OSBPL10: variants seen among roughly 807,000 people sequenced by gnomAD.
The protein encoded by OSBPL10 is oxysterol binding protein like 10, also known as oxysterol-binding protein-related protein 10.
Under a neutral mutation model 81.7 loss-of-function variants are expected in OSBPL10, and 49 were observed. The observed-to-expected ratio is 0.60, with a 90% CI of 0.48 to 0.76. The LOEUF is 0.76. OSBPL10 is among the 30% of genes least tolerant of loss of function. OSBPL10 has a pLI of 0.00. For missense variants in OSBPL10, 923 were observed against 987.8 expected (o/e 0.93, Z 0.88); for synonymous variants, 419 against 383.6 (o/e 1.09, Z -1.08).
intron 1 of OSBPL10, among the ~76,000 whole-genome samples, chr3:31,955,496 A>C (rs1697984158): frequency 6.6e-6 from 1 of 152,210 alleles, no homozygotes; most frequent in Admixed American, 6.5e-5. Flanking sequence ...GCTACCCAGC[A>C]ATGCCACCTA....
chr3:31,843,574 G>C (rs987169955), intron 3 of OSBPL10, among the ~76,000 whole-genome samples: 7 of 152,208 alleles, frequency 4.6e-5, no homozygotes, highest in Admixed American at 3.9e-4. Flanking sequence ...CAGAGTGCTA[G>C]ACAGTGGCAA....
At chr3:31,720,682 T>G (rs1297972096) in intron 6 of OSBPL10, among the ~76,000 whole-genome samples, 3 of 151,932 alleles carry the variant, frequency 2.0e-5, no homozygotes, top group Non-Finnish European at 4.4e-5. Flanking sequence ...GAGGACTGTC[T>G]GAGCTCAGGA....
rs116836225 is a variant in OSBPL10, at chr3:31,815,617, T to C, written c.729+14423A>G. On this transcript the variant is annotated intron_variant, in intron 4 of 11. Transcript: ENST00000396556. ...GGTGGAAAGATGGGAATGACCAAAG[T>C]GCCCTGCCTCTGCTGGAAGCTGAAC... Among the ~76,000 whole-genome samples, 1,437 of 152,274 alleles carry C rather than the reference T, an allele frequency of 9.4e-3. 6 individuals carry two copies. The highest frequency in any genetic ancestry group is 0.016 in the Non-Finnish European group (1,069 of 68,028).
chr3:31,933,545 C>T (rs964314357), intron 1 of OSBPL10, among the ~76,000 whole-genome samples: 2 of 151,964 alleles, frequency 1.3e-5, no homozygotes, highest in Non-Finnish European at 2.9e-5. Flanking sequence ...GTAGTGACTA[C>T]AGGTACACAC....
At chr3:31,726,173 G>A (rs927816302) in intron 6 of OSBPL10, among the ~76,000 whole-genome samples, 1 of 152,140 alleles carries the variant, frequency 6.6e-6, no homozygotes. Context: ...CACAGCCGGG[G>A]AGGGTGACTC....
chr3:31,831,276 C>G (rs1397064451), intron 3 of OSBPL10, among the ~76,000 whole-genome samples: 14 of 152,064 alleles, frequency 9.2e-5, no homozygotes, highest in Non-Finnish European at 1.8e-4. Context: ...CATGGTGGCA[C>G]ATGCCTGTAA....
intron 4 of OSBPL10, among the ~76,000 whole-genome samples, chr3:31,760,788 C>T (rs1046132310): frequency 6.6e-6 from 1 of 152,158 alleles, no homozygotes; most frequent in Non-Finnish European, 1.5e-5. Flanking sequence ...TAAAATACTG[C>T]AGAACATTTC....
chr3:31,692,058 G>A (rs1044762234), intron 7 of OSBPL10, among the ~76,000 whole-genome samples: 15 of 152,026 alleles, frequency 9.9e-5, no homozygotes, highest in African/African-American at 3.4e-4. Context: ...TTGTCAGATG[G>A]GAAGAGTTTG....
chr3:31,867,078 C>G (rs1257806228), intron 3 of OSBPL10, among the ~76,000 whole-genome samples: 2 of 152,126 alleles, frequency 1.3e-5, no homozygotes, highest in Non-Finnish European at 2.9e-5. Flanking sequence ...TAACCATATG[C>G]CAATCTAACC....
intron 3 of OSBPL10, among the ~76,000 whole-genome samples, chr3:31,863,793 T>C (rs767915617): frequency 1.3e-5 from 2 of 151,468 alleles, no homozygotes; most frequent in Non-Finnish European, 2.9e-5. Flanking sequence ...TCTCTCTCTA[T>C]AAAAAAAAAT....
chr3:31,660,869 A>G lies in OSBPL10; in HGVS notation c.*1203T>C, dbSNP rs896255103. On this transcript the variant is annotated 3_prime_UTR_variant, in exon 12 of 12. Transcript: ENST00000396556. ...TTTGTCTAATATCTACAAAGTGTGA[A>G]CAACTGGTCTTAAGAAAGCAGACAA... The G allele has an allele frequency of 1.3e-5, 2 of 152,672 alleles. No homozygotes were observed. Among genetic ancestry groups the G allele is most frequent in the Non-Finnish European group, 2.9e-5 (2 of 68,040 alleles). 9.5% of individuals were successfully genotyped at this position (152,672 alleles called of 1,614,324 possible).
At chr3:32,058,319 T>G (rs1266756598) in intron 1 of OSBPL10, among the ~76,000 whole-genome samples, 1 of 152,070 alleles carries the variant, frequency 6.6e-6, no homozygotes, top group Admixed American at 6.6e-5. Context: ...GTACTATTCT[T>G]TGAACTATTC....
intron 1 of OSBPL10, among the ~76,000 whole-genome samples, chr3:31,900,327 G>A (rs973984327): frequency 2.0e-5 from 3 of 152,032 alleles, no homozygotes; most frequent in Non-Finnish European, 2.9e-5. Context: ...GCACCCAGCC[G>A]AGAATGAAAC....
chr3:31,854,751 T>C (rs1700865740), intron 3 of OSBPL10, among the ~76,000 whole-genome samples: 4 of 152,228 alleles, frequency 2.6e-5, no homozygotes, highest in Admixed American at 6.5e-5. Flanking sequence ...CACTTTAAAA[T>C]AAACACATAA....
chr3:31,668,414 C>G (rs1575462993), intron 10 of OSBPL10, among the ~76,000 whole-genome samples: 1 of 152,208 alleles, frequency 6.6e-6, no homozygotes, highest in Admixed American at 6.5e-5. Flanking sequence ...GCAGTGAAGT[C>G]TGTCCTCACA....
intron 2 of OSBPL10, among the ~76,000 whole-genome samples, chr3:32,020,680 G>T (rs1319673493): frequency 1.3e-5 from 2 of 151,564 alleles, no homozygotes; most frequent in Non-Finnish European, 2.9e-5. Context: ...TTTTATAATA[G>T]GCAAAATGTT....
rs369014411 is a variant in OSBPL10, at chr3:32,060,706, A to G, written n.186-14103T>C. ...CACAGTGGCTCATGCCTGTAATCCC[A>G]GTACTTTGGGAGGCCGAGCTGGGTG... is the stretch of plus-strand genomic sequence containing the variant. On this transcript the variant is annotated intron_variant and non_coding_transcript_variant, in intron 1 of 3. Transcript: ENST00000479173. 7.6e-5 allele frequency among the ~76,000 whole-genome samples: 7 copies of G among 91,596 alleles called. 3 individuals carry two copies. The East Asian group carries it at 1.0e-3, about 13-fold the overall frequency. 60.1% of individuals were successfully genotyped at this position (91,596 alleles called of 152,430 possible).
At chr3:31,973,467 G>C (rs1034748451) in intron 1 of OSBPL10, among the ~76,000 whole-genome samples, 1 of 152,190 alleles carries the variant, frequency 6.6e-6, no homozygotes, top group Non-Finnish European at 1.5e-5. Flanking sequence ...CACAGGACTG[G>C]TGCCTGTGGT....
At chr3:31,907,682 A>G (rs1011783092) in intron 1 of OSBPL10, among the ~76,000 whole-genome samples, 20 of 148,832 alleles carry the variant, frequency 1.3e-4, no homozygotes, top group Non-Finnish European at 3.0e-4. Flanking sequence ...TCTCATAACT[A>G]GTTCATATAA....
Sources: gnomAD v4.1 joint callset for allele counts (sites outside exome capture counted in the v4.1 genomes callset) on GRCh38, gnomAD v4.1.1 for gene constraint, MANE v1.5 for transcripts, NCBI Gene and HGNC (gene_info 2026-07-23, HGNC 2026-07-21) for gene names.